Variants in ENPP2 observed in about 807,000 individuals in gnomAD.
The protein encoded by ENPP2 is autotaxin.
In ENPP2, 51 loss-of-function variants were observed where a neutral mutation model predicts 120.2. That is an observed-to-expected ratio of 0.42 (90% CI 0.34 to 0.54). ENPP2 has a LOEUF of 0.54. Ranked by LOEUF, ENPP2 falls within the 20% of genes least tolerant of loss-of-function variation. The probability of loss-of-function intolerance (pLI) is 0.04; values close to 1 mark genes in which losing one functional copy is unlikely to be tolerated. For missense variants in ENPP2, 920 were observed against 1,066.5 expected (o/e 0.86, Z 1.91); for synonymous variants, 365 against 366.4 (o/e 1.00, Z 0.04).
intron 8 of ENPP2, among the ~76,000 whole-genome samples, chr8:119,609,507 A>G (rs2130645476): frequency 6.6e-6 from 1 of 152,150 alleles, no homozygotes; most frequent in East Asian, 1.9e-4. Context: ...ATTTAGTCCA[A>G]AGCTCTTTCT....
At chr8:119,668,594 A>G (rs910891100) in intron 1 of ENPP2, among the ~76,000 whole-genome samples, 1 of 151,370 alleles carries the variant, frequency 6.6e-6, no homozygotes, top group Non-Finnish European at 1.5e-5. Flanking sequence ...ATGCCCAGCT[A>G]ATTTTTCTAT....
At chr8:119,601,524 G>T (rs2130565596) in intron 9 of ENPP2, 62 bp from the exon 10 acceptor site, 2 of 1,288,006 alleles carry the variant, frequency 1.6e-6, no homozygotes, top group Non-Finnish European at 2.3e-6. Flanking sequence ...TCAAGCCTGA[G>T]GAGTGCTCGC....
intron 1 of ENPP2, among the ~76,000 whole-genome samples, chr8:119,656,508 C>T (rs1263161510): frequency 1.3e-5 from 2 of 152,162 alleles, no homozygotes; most frequent in African/African-American, 2.4e-5. Context: ...ATTGACCATT[C>T]ATTTATTTCC....
At chr8:119,671,965 A>G (rs1053519104) in intron 1 of ENPP2, among the ~76,000 whole-genome samples, 15 of 152,074 alleles carry the variant, frequency 9.9e-5, no homozygotes, top group African/African-American at 3.4e-4. Flanking sequence ...AAAGGAAAGG[A>G]CCAATAGTTC....
At chr8:119,586,160 A>T (rs532360089) in intron 15 of ENPP2, 26 bp downstream of exon 15, 1 of 1,604,430 alleles carries the variant, frequency 6.2e-7, no homozygotes, top group South Asian at 1.1e-5. Context: ...GAAATGAGAA[A>T]CAGAAATAGC....
intron 1 of ENPP2, among the ~76,000 whole-genome samples, chr8:119,666,087 A>G (rs1396039234): frequency 6.6e-6 from 1 of 152,232 alleles, no homozygotes; most frequent in Non-Finnish European, 1.5e-5. Context: ...CAAGCAGGTT[A>G]CACAAGGCTA....
At chr8:119,626,858 G>C (rs1587520864) in intron 2 of ENPP2, 138 bp from the exon 3 acceptor site, 3 of 742,568 alleles carry the variant, frequency 4.0e-6, no homozygotes, top group Non-Finnish European at 6.7e-6. Context: ...TACTACCCAT[G>C]TACTCTGGGC....
intron 2 of ENPP2, among the ~76,000 whole-genome samples, chr8:119,627,285 T>C (rs1440816200): frequency 6.6e-6 from 1 of 152,156 alleles, no homozygotes; most frequent in Non-Finnish European, 1.5e-5. Context: ...CTCTATAATC[T>C]GGGCTTCTCA....
intron 2 of ENPP2, among the ~76,000 whole-genome samples, chr8:119,627,333 G>A (rs1816350013): frequency 6.6e-6 from 1 of 152,082 alleles, no homozygotes; most frequent in South Asian, 2.1e-4. Flanking sequence ...TGATATAGGT[G>A]TATATCAGAA....
At chr8:119,617,980 A>G (rs1050352710) in intron 5 of ENPP2, among the ~76,000 whole-genome samples, 1 of 152,156 alleles carries the variant, frequency 6.6e-6, no homozygotes, top group Non-Finnish European at 1.5e-5. Flanking sequence ...AAATAACCGA[A>G]CATATTCATT....
intron 1 of ENPP2, among the ~76,000 whole-genome samples, chr8:119,648,608 T>C (rs1817540695): frequency 6.6e-6 from 1 of 152,236 alleles, no homozygotes; most frequent in South Asian, 2.1e-4. Flanking sequence ...TGTCATCACG[T>C]GCTTACCAGC....
chr8:119,566,541 G>A (rs769763172), intron 22 of ENPP2, among the ~76,000 whole-genome samples: 7 of 152,104 alleles, frequency 4.6e-5, no homozygotes, highest in Non-Finnish European at 1.0e-4. Context: ...GTTAACTTAA[G>A]CATTAAGAAA....
chr8:119,663,133 A>AG (rs1272114662), intron 1 of ENPP2, among the ~76,000 whole-genome samples: 20 of 146,574 alleles, frequency 1.4e-4, no homozygotes, highest in Middle Eastern at 3.5e-3. Context: ...AAAAAAAAAA[A>AG]AAAGAAAGAA....
intron 9 of ENPP2, among the ~76,000 whole-genome samples, chr8:119,607,604 G>A (rs1587464978): frequency 6.6e-6 from 1 of 151,978 alleles, no homozygotes; most frequent in Admixed American, 6.5e-5. Flanking sequence ...GAACCCGGGA[G>A]GCAGAGGTTG....
intron 2 of ENPP2, among the ~76,000 whole-genome samples, chr8:119,634,656 T>C (rs1587544571): frequency 1.3e-5 from 2 of 152,328 alleles, no homozygotes; most frequent in South Asian, 4.1e-4. Flanking sequence ...AAATTTTAGA[T>C]CATCTCACTG....
intron 1 of ENPP2, among the ~76,000 whole-genome samples, chr8:119,664,650 G>GA (rs1362916757): frequency 6.6e-6 from 1 of 152,140 alleles, no homozygotes; most frequent in Non-Finnish European, 1.5e-5. Flanking sequence ...CTTACACAAT[G>GA]AAATGTATCA....
At chr8:119,657,689 G>A (rs1483330075) in intron 1 of ENPP2, among the ~76,000 whole-genome samples, 1 of 152,202 alleles carries the variant, frequency 6.6e-6, no homozygotes, top group Non-Finnish European at 1.5e-5. Flanking sequence ...TTGTGACCTG[G>A]ACAGACATGT....
At chr8:119,610,903 T>TAAAA (rs541673414) in intron 8 of ENPP2, among the ~76,000 whole-genome samples, 1 of 136,516 alleles carries the variant, frequency 7.3e-6, no homozygotes, top group African/African-American at 2.8e-5. Flanking sequence ...ATTCTGTCTT[T>TAAAA]AAAAAAAAAA....
chr8:119,586,416 AG>A, intron 14 of ENPP2, 103 bp from the exon 15 acceptor site: 1 of 953,748 alleles, frequency 1.0e-6, no homozygotes, highest in African/African-American at 1.6e-5. Flanking sequence ...GCCTAACCAA[AG>A]GTTAATGAGT....
Sources: gnomAD v4.1 joint callset for allele counts (sites outside exome capture counted in the v4.1 genomes callset) on GRCh38, gnomAD v4.1.1 for gene constraint, MANE v1.5 for transcripts, NCBI Gene and HGNC (gene_info 2026-07-23, HGNC 2026-07-21) for gene names.